The following PRLR variants were observed in gnomAD, a reference collection of about 807,000 sequenced individuals.
PRLR encodes hPRL receptor.
Under a neutral mutation model 40.2 loss-of-function variants are expected in PRLR, and 13 were observed. That is an observed-to-expected ratio of 0.32 (90% CI 0.21 to 0.51). PRLR has a LOEUF of 0.51. Ranked by LOEUF, PRLR falls within the 20% of genes least tolerant of loss-of-function variation. The pLI is 0.97. For synonymous variants in PRLR, 269 were observed against 278.7 expected (o/e 0.97, Z 0.35); for missense variants, 656 against 747.3 (o/e 0.88, Z 1.42).
At chr5:35,214,017 C>G (rs1400231143) in intron 1 of PRLR, among the ~76,000 whole-genome samples, 1 of 152,160 alleles carries the variant, frequency 6.6e-6, no homozygotes, top group Non-Finnish European at 1.5e-5. Context: ...ACATTTCCAG[C>G]CTTCCCCGTT....
chr5:35,123,501 T>C (rs569167930), intron 1 of PRLR, among the ~76,000 whole-genome samples: 1 of 152,226 alleles, frequency 6.6e-6, no homozygotes, highest in Non-Finnish European at 1.5e-5. Context: ...ATTCAGCCTA[T>C]AATAATTGGG....
intron 2 of PRLR, among the ~76,000 whole-genome samples, chr5:35,105,863 G>A (rs1219201074): frequency 2.6e-5 from 4 of 152,130 alleles, no homozygotes; most frequent in Admixed American, 6.6e-5. Flanking sequence ...TCAAATTCAG[G>A]AAATACAGAG....
rs75133039 is a variant in PRLR, at chr5:35,113,724, G to C, written c.-44+4337C>G. On this transcript the variant is annotated intron_variant, in intron 2 of 9. Coordinates refer to ENST00000618457, the MANE Select transcript of PRLR (RefSeq NM_000949.7). Reference sequence around the variant, plus strand: ...AAACAGTTCAATGTAAATGATGCAAGTGCTAAGGAGGACCCCTGCAGGTAC... The same window carrying C: ...AAACAGTTCAATGTAAATGATGCAACTGCTAAGGAGGACCCCTGCAGGTAC... 4.0e-4 allele frequency among the ~76,000 whole-genome samples: 61 copies of C among 152,360 alleles called. No individual in the cohort carries two copies. In the East Asian group the frequency reaches 0.011, roughly 26 times the overall value.
At chr5:35,194,586 T>C (rs1775685847) in intron 1 of PRLR, among the ~76,000 whole-genome samples, 1 of 152,138 alleles carries the variant, frequency 6.6e-6, no homozygotes, top group Non-Finnish European at 1.5e-5. Context: ...TATCACTCAG[T>C]GCTAAAACGG....
chr5:35,165,777 C>A (rs982019966), intron 1 of PRLR, among the ~76,000 whole-genome samples: 3 of 152,084 alleles, frequency 2.0e-5, no homozygotes, highest in African/African-American at 4.8e-5. Flanking sequence ...GTCTTATAAA[C>A]CTTTATAAAC....
chr5:35,067,656 TCTAAC>T (rs1247162686), intron 9 of PRLR, among the ~76,000 whole-genome samples: 1 of 152,322 alleles, frequency 6.6e-6, no homozygotes, highest in East Asian at 1.9e-4. Flanking sequence ...TTAAAACTGT[TCTAAC>T]CTCTCTTTTC....
chr5:35,087,011 TG>T (rs1269708424), intron 3 of PRLR, among the ~76,000 whole-genome samples: 6 of 152,118 alleles, frequency 3.9e-5, no homozygotes, highest in Non-Finnish European at 7.3e-5. Flanking sequence ...TGATTTTTTT[TG>T]GGATGGAGTC....
chr5:35,065,310 A>G lies in PRLR; in HGVS notation c.1648T>C (p.Ser550Pro), dbSNP rs2112368193. The change falls in exon 10 of 10, where the codon TCC becomes CCC. Residue 550 changes from serine (S) to proline (P), a missense_variant. By Grantham distance (74) the Ser-to-Pro change is moderately conservative. Around this residue, in one of 3 missense-constraint regions of PRLR, gnomAD observed 469 missense variants for 491.5 expected, o/e 0.95. Transcript: ENST00000618457. ...AGGATGTTGTTATCCATGACCCCGG[A>G]CACCTTGGCATACTCCTTATTGTTC... ...PENNKEYAKVSGVMDNNILVL... is the reference protein window; with the variant it reads ...PENNKEYAKVPGVMDNNILVL... 3.7e-6 allele frequency: 6 copies of G among 1,614,110 alleles called. No individual in the cohort carries two copies. The highest frequency in any genetic ancestry group is 2.2e-5 in the East Asian group (1 of 44,874).
chr5:35,111,177 T>A lies in PRLR; in HGVS notation c.-44+6884A>T, dbSNP rs138566720. ...AAGAATTTTATGCTCTAAAGAGCTG[T>A]TAATCATTGGAATATGTGATTGAGG... On this transcript the variant is annotated intron_variant, in intron 2 of 9. Coordinates refer to ENST00000618457, the MANE Select transcript of PRLR (RefSeq NM_000949.7). 9.5e-4 allele frequency among the ~76,000 whole-genome samples: 145 copies of A among 152,356 alleles called. 2 individuals are homozygous for A. The East Asian group carries it at 0.012, about 13-fold the overall frequency.
chr5:35,147,342 C>T (rs1774210472), intron 1 of PRLR, among the ~76,000 whole-genome samples: 1 of 152,148 alleles, frequency 6.6e-6, no homozygotes, highest in Non-Finnish European at 1.5e-5. Context: ...GCATGAAATG[C>T]CTTCTCAGAT....
At chr5:35,074,934 T>C (rs902383294) in intron 5 of PRLR, among the ~76,000 whole-genome samples, 2 of 152,116 alleles carry the variant, frequency 1.3e-5, no homozygotes, top group Non-Finnish European at 2.9e-5. Flanking sequence ...TCAGTGACAT[T>C]TTCTCCATTC....
chr5:35,101,450 G>A (rs1007851479), intron 2 of PRLR, among the ~76,000 whole-genome samples: 4 of 152,130 alleles, frequency 2.6e-5, no homozygotes, highest in Admixed American at 6.5e-5. Context: ...ACTGAGATGT[G>A]GCTGCAAGGT....
intron 1 of PRLR, among the ~76,000 whole-genome samples, chr5:35,185,647 T>C (rs987798630): frequency 6.6e-6 from 1 of 152,146 alleles, no homozygotes; most frequent in African/African-American, 2.4e-5. Flanking sequence ...AATAATTAAC[T>C]CTAGATCTCT....
intron 1 of PRLR, among the ~76,000 whole-genome samples, chr5:35,207,964 A>G (rs1776066929): frequency 6.6e-6 from 1 of 152,160 alleles, no homozygotes; most frequent in Non-Finnish European, 1.5e-5. Flanking sequence ...TAGCAATAAA[A>G]CTAATTAGAT....
In PRLR at chr5:35,150,532, T is replaced by C. The variant is rs375976423; in HGVS notation, c.-105-32410A>G. On this transcript the variant is annotated intron_variant, in intron 1 of 9. Transcript: ENST00000618457. Reference sequence around the variant, plus strand: ...ATGATAACTCTAAGATGGATTAAAATGATTTAATTTATAAGACAGTTAATT... The same window carrying C: ...ATGATAACTCTAAGATGGATTAAAACGATTTAATTTATAAGACAGTTAATT... Among the ~76,000 whole-genome samples, 7 of 152,332 alleles carry C rather than the reference T, an allele frequency of 4.6e-5. No homozygotes were observed. The East Asian group carries it at 1.3e-3, about 29-fold the overall frequency.
chr5:35,165,912 GT>G (rs1413025359), intron 1 of PRLR, among the ~76,000 whole-genome samples: 1 of 152,144 alleles, frequency 6.6e-6, no homozygotes, highest in Non-Finnish European at 1.5e-5. Context: ...CTTGTTAAGG[GT>G]TAGTCTCCAT....
At chr5:35,191,167 T>G (rs1579784563) in intron 1 of PRLR, among the ~76,000 whole-genome samples, 1 of 113,374 alleles carries the variant, frequency 8.8e-6, no homozygotes. Context: ...GCCTCCCGGG[T>G]TCACGCCATT....
chr5:35,091,034 G>A (rs1302345395), intron 2 of PRLR, among the ~76,000 whole-genome samples: 3 of 151,578 alleles, frequency 2.0e-5, no homozygotes, highest in Non-Finnish European at 2.9e-5. Flanking sequence ...GGATGGTCTC[G>A]CTCTCCTGAA....
intron 2 of PRLR, among the ~76,000 whole-genome samples, chr5:35,103,201 A>T (rs1772008038): frequency 6.6e-6 from 1 of 152,212 alleles, no homozygotes. Context: ...TTAAATAGTG[A>T]TGCATTTCTG....
Sources: gnomAD v4.1 joint callset for allele counts (sites outside exome capture counted in the v4.1 genomes callset) on GRCh38, gnomAD v4.1.1 for gene constraint, gnomAD v4.1.1 regional missense constraint, MANE v1.5 for transcripts, NCBI Gene and HGNC (gene_info 2026-07-23, HGNC 2026-07-21) for gene names.